The following TTBK2 variants were observed in gnomAD, a reference collection of about 807,000 sequenced individuals.
TTBK2 encodes tau-tubulin kinase 2.
A neutral mutation model predicts 110.8 loss-of-function variants in TTBK2; 28 were observed. The ratio of observed to expected loss-of-function variants is 0.25; its 90% CI spans 0.19 to 0.35. The LOEUF (loss-of-function observed/expected upper bound fraction) is 0.35. Among genes scored for constraint, TTBK2 ranks in the 10% least tolerant of loss-of-function variants. TTBK2 has a pLI of 1.00. For synonymous variants in TTBK2, 532 were observed against 527.3 expected (o/e 1.01, Z -0.12); for missense variants, 1,369 against 1,500.3 (o/e 0.91, Z 1.45).
At position 42,761,842 on chromosome 15, in the gene TTBK2, T is replaced by C. The variant is rs1453832056; in HGVS notation, c.1999-8595A>G. On this transcript the variant is annotated intron_variant, in intron 13 of 14. Transcript: ENST00000267890. ...GAAAAGAGAACTCTCAAATACAGTG[T>C]TTGTGGGTGTAACGGTTTGGCTGTG... Among the ~76,000 whole-genome samples the C allele has an allele frequency of 5.3e-5, 8 of 152,216 alleles. No individual in the cohort carries two copies. In the East Asian group the frequency reaches 1.5e-3, roughly 29 times the overall value.
intron 1 of TTBK2, among the ~76,000 whole-genome samples, chr15:42,898,523 A>G (rs1895760452): frequency 6.6e-6 from 1 of 151,398 alleles, no homozygotes; most frequent in African/African-American, 2.4e-5. Context: ...AAAGAAAAAA[A>G]AAAAGAAAAA....
intron 13 of TTBK2, among the ~76,000 whole-genome samples, chr15:42,773,758 GAA>G (rs1237253919): frequency 6.6e-6 from 1 of 152,208 alleles, no homozygotes; most frequent in African/African-American, 2.4e-5. Flanking sequence ...TGGGAAGGTG[GAA>G]AGAGTGGATG....
At chr15:42,900,674 G>A (rs1285594425) in intron 1 of TTBK2, among the ~76,000 whole-genome samples, 5 of 152,106 alleles carry the variant, frequency 3.3e-5, no homozygotes, top group Admixed American at 6.5e-5. Flanking sequence ...GCAGTGAGCC[G>A]AGATCGTGGC....
intron 13 of TTBK2, among the ~76,000 whole-genome samples, chr15:42,766,971 T>C (rs1256802107): frequency 1.3e-5 from 2 of 152,184 alleles, no homozygotes; most frequent in African/African-American, 4.8e-5. Context: ...AACTCAGGAT[T>C]AAGAAACTCA....
intron 9 of TTBK2, among the ~76,000 whole-genome samples, chr15:42,803,985 C>A (rs1225615320): frequency 7.8e-6 from 1 of 128,252 alleles, no homozygotes; most frequent in African/African-American, 3.2e-5. Context: ...CAAAATTGTA[C>A]CATTGTACTC....
At chr15:42,782,531 A>C (rs907309831) in intron 11 of TTBK2, among the ~76,000 whole-genome samples, 41 of 152,232 alleles carry the variant, frequency 2.7e-4, no homozygotes, top group African/African-American at 9.9e-4. Flanking sequence ...ATATCTACCC[A>C]AAGAGACCGT....
In TTBK2 at chr15:42,818,917, C is replaced by T. The variant is rs557233239; in HGVS notation, c.538-1820G>A. On this transcript the variant is annotated intron_variant, in intron 6 of 14. Coordinates refer to ENST00000267890, the MANE Select transcript of TTBK2 (RefSeq NM_173500.4). Reference sequence around the variant, plus strand: ...CAGCCTGGGCGACAGAGCGAGACTCCGTCTCAAAAAAAAAAAACAAAAAAC... The same window carrying T: ...CAGCCTGGGCGACAGAGCGAGACTCTGTCTCAAAAAAAAAAAACAAAAAAC... 4.3e-3 allele frequency among the ~76,000 whole-genome samples: 624 copies of T among 144,478 alleles called. 9 individuals are homozygous for T. Among genetic ancestry groups the T allele is most frequent in the African/African-American group, 0.015 (593 of 40,090 alleles). The allele number at this position is 144,478 out of a possible 152,430, so 94.8% of individuals were successfully genotyped here.
chr15:42,881,438 G>A (rs1310298888), intron 1 of TTBK2, among the ~76,000 whole-genome samples: 1 of 147,038 alleles, frequency 6.8e-6, no homozygotes, highest in African/African-American at 2.5e-5. Flanking sequence ...ACATACGAAA[G>A]CACAATCAAT....
chr15:42,904,301 C>G (rs1254339195), intron 1 of TTBK2, among the ~76,000 whole-genome samples: 1 of 152,098 alleles, frequency 6.6e-6, no homozygotes, highest in African/African-American at 2.4e-5. Context: ...TTATGCATGA[C>G]CACAGGTTCC....
intron 1 of TTBK2, chr15:42,919,858 A>T: frequency 1.0e-6 from 1 of 982,854 alleles, no homozygotes; most frequent in Non-Finnish European, 1.2e-6. Context: ...GACAGAACAT[A>T]TACGTGAGTC....
intron 11 of TTBK2, among the ~76,000 whole-genome samples, chr15:42,777,452 T>C (rs1233513267): frequency 2.0e-5 from 3 of 152,242 alleles, no homozygotes; most frequent in Admixed American, 6.5e-5. Flanking sequence ...CAGTATTATT[T>C]TAGGTTTTTA....
chr15:42,812,816 A>T (rs1891780057), intron 7 of TTBK2, among the ~76,000 whole-genome samples: 2 of 152,144 alleles, frequency 1.3e-5, no homozygotes, highest in Non-Finnish European at 2.9e-5. Context: ...AAGAACATCT[A>T]GAAATAAAAA....
intron 7 of TTBK2, among the ~76,000 whole-genome samples, chr15:42,816,536 T>C (rs912152696): frequency 1.3e-5 from 2 of 152,150 alleles, no homozygotes; most frequent in Non-Finnish European, 2.9e-5. Context: ...CGTGCATTAG[T>C]ATTACCAATT....
Position 42,793,241 on chromosome 15 carries a change from T to C in TTBK2, c.980+1403A>G, listed in dbSNP as rs892250378. ...AGGGTAGGTCCCAGGAATAGGCGTTTTTTAAAAACATCCGTGGTGATTCTG... is the reference window on the plus strand; with the variant it reads ...AGGGTAGGTCCCAGGAATAGGCGTTCTTTAAAAACATCCGTGGTGATTCTG... On this transcript the variant is annotated intron_variant, in intron 10 of 14. Coordinates refer to ENST00000267890, the MANE Select transcript of TTBK2 (RefSeq NM_173500.4). 2.0e-5 allele frequency among the ~76,000 whole-genome samples: 3 copies of C among 152,308 alleles called. No homozygotes were observed. In the East Asian group the frequency reaches 5.8e-4, roughly 29 times the overall value.
chr15:42,821,971 T>C (rs550036821), intron 6 of TTBK2, among the ~76,000 whole-genome samples: 5 of 152,338 alleles, frequency 3.3e-5, no homozygotes, highest in Middle Eastern at 3.4e-3. Flanking sequence ...ATTACAGGTG[T>C]GAGCCACCAT....
chr15:42,913,334 C>T lies in TTBK2; in HGVS notation c.-68+7104G>A, dbSNP rs118104470. 7.2e-3 allele frequency among the ~76,000 whole-genome samples: 1,097 copies of T among 151,966 alleles called. 5 individuals carry two copies. The highest frequency in any genetic ancestry group is 0.011 in the Admixed American group (165 of 15,262). The stretch of plus-strand genomic sequence containing the variant: ...TGAAATCTCTCTGAGCTCAATAAAT[C>T]TAAGTAAAATATCTATTGAGAGAGG... On this transcript the variant is annotated intron_variant, in intron 1 of 14. Transcript: ENST00000267890.
Position 42,752,927 on chromosome 15 carries a change from G to A in TTBK2, c.2319C>T (p.Leu773=). Residue 773 remains leucine, a synonymous_variant, in exon 14 of 15, where the codon CTC becomes CTT. Coordinates refer to ENST00000267890, the MANE Select transcript of TTBK2 (RefSeq NM_173500.4). ...NRLVVREFEN[L]PGETEEKSIL... ...TGCTTTTCTCTTCAGTTTCCCCAGG[G>A]AGATTTTCAAATTCTCTCACAACCA... The A allele has an allele frequency of 6.2e-7, 1 of 1,614,164 alleles. No homozygotes were observed. The highest frequency in any genetic ancestry group is 1.7e-5 in the Admixed American group (1 of 60,020).
chr15:42,877,085 GTACCTCAAGATAATCAAATAA>G (rs1894845533), intron 2 of TTBK2, among the ~76,000 whole-genome samples: 1 of 152,024 alleles, frequency 6.6e-6, no homozygotes, highest in African/African-American at 2.4e-5. Flanking sequence ...TAATCAAATT[GTACCTCAAGATAATCAAATAA>G]TTGATGATAA....
intron 10 of TTBK2, among the ~76,000 whole-genome samples, chr15:42,785,379 C>T (rs918288685): frequency 1.3e-5 from 2 of 152,152 alleles, no homozygotes; most frequent in African/African-American, 4.8e-5. Flanking sequence ...CCTTGGCCTC[C>T]CAAAGTGCTG....
Sources: allele counts gnomAD v4.1 joint callset (sites outside exome capture counted in the v4.1 genomes callset), GRCh38; gene constraint gnomAD v4.1.1; transcripts MANE v1.5; gene names NCBI Gene and HGNC (gene_info 2026-07-23, HGNC 2026-07-21).